GPLD1: variants seen among roughly 807,000 people sequenced by gnomAD.
GPLD1 encodes glycosylphosphatidylinositol specific phospholipase D1, also known as phosphatidylinositol-glycan-specific phospholipase D.
A neutral mutation model predicts 112.6 loss-of-function variants in GPLD1; 84 were observed. The ratio of observed to expected loss-of-function variants is 0.75; its 90% CI spans 0.63 to 0.89. GPLD1 has a LOEUF of 0.89. Among genes scored for constraint, GPLD1 ranks in the 40% least tolerant of loss-of-function variants. The pLI, the probability that GPLD1 is intolerant of heterozygous loss-of-function variation, is 0.00. For missense variants in GPLD1, 1,044 were observed against 1,051.5 expected, an observed-to-expected ratio of 0.99 and a Z score of 0.10; for synonymous variants, 386 against 403.8, an observed-to-expected ratio of 0.96 and a Z score of 0.53.
chr6:24,484,061 G>A (rs1436898010), intron 2 of GPLD1, among the ~76,000 whole-genome samples: 1 of 150,692 alleles, frequency 6.6e-6, no homozygotes, highest in Non-Finnish European at 1.5e-5. Context: ...GATTACAGGC[G>A]CCCACCACGA....
At chr6:24,443,329 T>C (rs1378349670) in intron 20 of GPLD1, among the ~76,000 whole-genome samples, 1 of 151,866 alleles carries the variant, frequency 6.6e-6, no homozygotes, top group Non-Finnish European at 1.5e-5. Flanking sequence ...GAGGAGGAGG[T>C]AACGATTGGT....
At chr6:24,472,058 GAGT>G (rs1235569282) in intron 7 of GPLD1, among the ~76,000 whole-genome samples, 3 of 152,296 alleles carry the variant, frequency 2.0e-5, no homozygotes, top group African/African-American at 4.8e-5. Context: ...ACTGACAAGA[GAGT>G]AGAAGCCAGA....
intron 2 of GPLD1, among the ~76,000 whole-genome samples, chr6:24,483,668 G>C (rs74293240): frequency 0.18 from 27,000 of 151,656 alleles, 2,789 homozygotes; most frequent in African/African-American, 0.28. Flanking sequence ...CTCCATCTCA[G>C]CATTAGAGAA....
Position 24,495,150 on chromosome 6 carries a change from G to A in GPLD1, n.56C>T, listed in dbSNP as rs886043944. The A allele has an allele frequency of 9.1e-6, 13 of 1,428,998 alleles. No individual in the cohort carries two copies. In the East Asian group the frequency reaches 2.7e-4, roughly 30 times the overall value. The allele number at this position is 1,428,998 out of a possible 1,614,324, so 88.5% of individuals were successfully genotyped here. ...GCTCCGCTGCTACGCTGGGCGCCTG[G>A]CGGGCCTCTCTGCGGCGCTGCTGCG... On this transcript the variant is annotated non_coding_transcript_exon_variant, in exon 1 of 11. Transcript: ENST00000474784.
In GPLD1 at chr6:24,447,870, G is replaced by A. The variant is rs754411396; in HGVS notation, c.1678+7C>T. 2 of 1,613,420 alleles carry A rather than the reference G, an allele frequency of 1.2e-6. No homozygotes were observed. Among genetic ancestry groups the A allele is most frequent in the South Asian group, 1.1e-5 (1 of 91,024 alleles). Reference sequence around the variant, plus strand: ...CATGGTCTCACCCATTCCCCCTCAGGCACTACCTTTGTCGCTCAGGCTGGG... The same window carrying A: ...CATGGTCTCACCCATTCCCCCTCAGACACTACCTTTGTCGCTCAGGCTGGG... On this transcript the variant is annotated splice_region_variant and intron_variant, in intron 17 of 24. Coordinates refer to ENST00000230036, the MANE Select transcript of GPLD1 (RefSeq NM_001503.4).
intron 22 of GPLD1, among the ~76,000 whole-genome samples, chr6:24,433,827 T>C (rs984008998): frequency 3.9e-5 from 6 of 152,072 alleles, no homozygotes; most frequent in Non-Finnish European, 8.8e-5. Flanking sequence ...GCCTTACAAA[T>C]GTGCATGCCC....
chr6:24,424,545 G>T (rs1390375196), downstream of GPLD1: 1 of 152,184 alleles, frequency 6.6e-6, no homozygotes, highest in Non-Finnish European at 1.5e-5. Flanking sequence ...ATGAATAAAT[G>T]TTAGAACTGT....
At chr6:24,445,214 G>A (rs186651643) in intron 20 of GPLD1, among the ~76,000 whole-genome samples, 7 of 151,996 alleles carry the variant, frequency 4.6e-5, no homozygotes, top group African/African-American at 1.7e-4. Context: ...TTTTAGTAGA[G>A]GCAAAGTTTC....
intron 5 of GPLD1, 49 bp downstream of exon 5, chr6:24,475,072 A>ATCTTAGG: frequency 1.1e-6 from 1 of 917,046 alleles, no homozygotes; most frequent in Non-Finnish European, 1.8e-6. Flanking sequence ...ATCTTAGGTG[A>ATCTTAGG]GACAGTATCA....
intron 3 of GPLD1, among the ~76,000 whole-genome samples, chr6:24,478,754 T>G (rs1396136171): frequency 8.7e-6 from 1 of 114,480 alleles, no homozygotes; most frequent in Non-Finnish European, 1.9e-5. Flanking sequence ...GTCCTCTTCA[T>G]GCAGCTCTCT....
At chr6:24,474,946 C>CAA (rs10646493) in intron 5 of GPLD1, among the ~76,000 whole-genome samples, 175 bp downstream of exon 5, 7,473 of 108,496 alleles carry the variant, frequency 0.069, 648 homozygotes, top group African/African-American at 0.21. Flanking sequence ...GACTCCATCT[C>CAA]AAAAAAAAAA....
At chr6:24,437,520 T>C (rs1429930889) in intron 20 of GPLD1, among the ~76,000 whole-genome samples, 1 of 152,150 alleles carries the variant, frequency 6.6e-6, no homozygotes, top group African/African-American at 2.4e-5. Flanking sequence ...TTTCCAGTCT[T>C]ATCCCCATAA....
chr6:24,475,688 CAA>C (rs35291266), intron 4 of GPLD1, among the ~76,000 whole-genome samples: 2,857 of 113,264 alleles, frequency 0.025, 43 homozygotes, highest in African/African-American at 0.057. Flanking sequence ...ACTAAAAATA[CAA>C]AAAAAAAAAA....
Position 24,425,855 on chromosome 6 carries a change from T to C in GPLD1, c.*3177A>G, listed in dbSNP as rs536458299. 6.6e-6 allele frequency: 1 copy of C among 152,342 alleles called. No individual in the cohort carries two copies. The highest frequency in any genetic ancestry group is 2.4e-5 in the African/African-American group (1 of 41,580). 9.4% of individuals were successfully genotyped at this position (152,342 alleles called of 1,614,324 possible). ...AATTTTATATTAAAAAGCTATTTAT[T>C]TTGGTGAGTTATTCCAAGAGTTGTA... On this transcript the variant is annotated 3_prime_UTR_variant, in exon 25 of 25. Transcript: ENST00000230036.
At chr6:24,485,672 C>CT (rs372900860) in intron 2 of GPLD1, among the ~76,000 whole-genome samples, 27,841 of 147,110 alleles carry the variant, frequency 0.19, 3,056 homozygotes, top group African/African-American at 0.28. Context: ...AATAATGAGT[C>CT]TCTTTTTTTT....
chr6:24,487,995 C>T (rs1254607817), intron 1 of GPLD1, among the ~76,000 whole-genome samples: 1 of 152,152 alleles, frequency 6.6e-6, no homozygotes, highest in Non-Finnish European at 1.5e-5. Context: ...CATCGTAGCT[C>T]AGTATATATG....
intron 7 of GPLD1, among the ~76,000 whole-genome samples, chr6:24,470,591 A>AT (rs747870128): frequency 6.6e-5 from 10 of 151,474 alleles, no homozygotes; most frequent in African/African-American, 2.2e-4. Flanking sequence ...TGAATGGTAA[A>AT]TTTTTTTTTC....
At chr6:24,450,306 G>A (rs144662741) in intron 14 of GPLD1, among the ~76,000 whole-genome samples, 4,864 of 152,032 alleles carry the variant, frequency 0.032, 99 homozygotes, top group Non-Finnish European at 0.045. Context: ...TTCAAAACCA[G>A]CCTGGCCAAC....
chr6:24,472,434 TA>T, intron 7 of GPLD1, 147 bp downstream of exon 7: 1 of 547,342 alleles, frequency 1.8e-6, no homozygotes. Context: ...TCAAAGAATC[TA>T]AACTATGCTA....
Sources: gnomAD v4.1 joint callset for allele counts (sites outside exome capture counted in the v4.1 genomes callset) on GRCh38, gnomAD v4.1.1 for gene constraint, MANE v1.5 for transcripts, NCBI Gene and HGNC (gene_info 2026-07-23, HGNC 2026-07-21) for gene names.